The following IGSF5 variants were observed in gnomAD, a reference collection of about 807,000 sequenced individuals.
IGSF5 encodes the protein immunoglobulin superfamily member 5.
A neutral mutation model predicts 39.4 loss-of-function variants in IGSF5; 41 were observed. The observed-to-expected ratio is 1.04, with a 90% CI of 0.81 to 1.35. The LOEUF (loss-of-function observed/expected upper bound fraction) is 1.35. IGSF5 is among the 40% of genes most tolerant of loss of function. The pLI, the probability that IGSF5 is intolerant of heterozygous loss-of-function variation, is 0.00. For synonymous variants in IGSF5, 183 were observed against 175.3 expected (o/e 1.04, Z -0.34); for missense variants, 487 against 494.6 (o/e 0.98, Z 0.15).
At chr21:39,751,223 G>T (rs1232961612) in intron 2 of IGSF5, 1 of 152,248 alleles carries the variant, frequency 6.6e-6, no homozygotes, top group Non-Finnish European at 1.5e-5. Context: ...GGCCAGACAA[G>T]AGTGTGTTTC....
Position 39,763,455 on chromosome 21 carries a change from A to T in IGSF5, c.101-2080A>T, listed in dbSNP as rs1039741099. On this transcript the variant is annotated intron_variant, in intron 2 of 8. Transcript: ENST00000380588. ...TGTAGCTCCCTCCTCCCTCCTTTTC[A>T]TCTCCCAGCTGCAGAATAGGGTTAT... is the stretch of plus-strand genomic sequence containing the variant. Among the ~76,000 whole-genome samples, 18 of 152,128 alleles carry T rather than the reference A, an allele frequency of 1.2e-4. 1 individual carries two copies. The highest frequency in any genetic ancestry group is 2.2e-4 in the Non-Finnish European group (15 of 67,994).
intron 5 of IGSF5, among the ~76,000 whole-genome samples, chr21:39,782,844 TTG>T (rs1190405872): frequency 1.3e-5 from 2 of 152,176 alleles, no homozygotes; most frequent in African/African-American, 4.8e-5. Context: ...AGCCGTAACT[TTG>T]TGTTCATTAA....
chr21:39,714,481 C>G, the IGSF5 span, among the ~76,000 whole-genome samples: 1 of 152,216 alleles, frequency 6.6e-6, no homozygotes, highest in African/African-American at 2.4e-5. Flanking sequence ...TTTACTAGGG[C>G]TGACATAATA....
upstream of IGSF5, among the ~76,000 whole-genome samples, chr21:39,744,983 G>C (rs116400129): frequency 0.02 from 2,994 of 152,256 alleles, 102 homozygotes; most frequent in African/African-American, 0.068. Flanking sequence ...AGTGTTATAG[G>C]TTCATAGAGA....
At chr21:39,791,823 G>T in intron 6 of IGSF5, 185 bp from the exon 7 acceptor site, 3 of 543,616 alleles carry the variant, frequency 5.5e-6, no homozygotes, top group Middle Eastern at 5.1e-4. Context: ...TAATGGGAAT[G>T]TGTGAGTAGG....
upstream of IGSF5, among the ~76,000 whole-genome samples, chr21:39,741,096 T>C (rs977041961): frequency 6.6e-6 from 1 of 152,158 alleles, no homozygotes; most frequent in Admixed American, 6.5e-5. Context: ...CATGTTTTTT[T>C]TTTTCTTTGT....
chr21:39,759,396 T>G (rs997517766), intron 2 of IGSF5, among the ~76,000 whole-genome samples: 5 of 152,214 alleles, frequency 3.3e-5, no homozygotes, highest in African/African-American at 1.2e-4. Flanking sequence ...ACAAGGTCCC[T>G]GCTTGTGTAG....
upstream of IGSF5, among the ~76,000 whole-genome samples, chr21:39,740,410 G>A (rs1031778019): frequency 4.6e-5 from 7 of 152,142 alleles, no homozygotes; most frequent in Non-Finnish European, 7.3e-5. Flanking sequence ...CAGAAGTTAG[G>A]AATTCCCTTT....
At chr21:39,761,619 A>C (rs1227333795) in intron 2 of IGSF5, among the ~76,000 whole-genome samples, 1 of 152,242 alleles carries the variant, frequency 6.6e-6, no homozygotes, top group African/African-American at 2.4e-5. Flanking sequence ...GATACTTCTC[A>C]AAAGAAGATG....
Position 39,745,471 on chromosome 21 carries a change from C to A in IGSF5, c.-39C>A, listed in dbSNP as rs1326616189. ...TTCAGAGGTAAGGAGAATTTTGGGG[C>A]TATACTTTCAAGAAAGTCGTGTTCG... is the stretch of plus-strand genomic sequence containing the variant. On this transcript the variant is annotated 5_prime_UTR_variant, in exon 1 of 9. Transcript: ENST00000380588. 2.8e-6 allele frequency: 2 copies of A among 713,296 alleles called. No individual in the cohort carries two copies. The highest frequency in any genetic ancestry group is 4.0e-5 in the Admixed American group (2 of 49,956). The allele number at this position is 713,296 out of a possible 1,614,324, so 44.2% of individuals were successfully genotyped here. A position where few individuals can be genotyped will look rare whatever the true frequency, so the allele number is the denominator to read the frequency against.
upstream of IGSF5, among the ~76,000 whole-genome samples, chr21:39,745,157 ATCTCTCTC>A (rs35473597): frequency 4.1e-5 from 6 of 145,742 alleles, no homozygotes; most frequent in South Asian, 6.5e-4. Flanking sequence ...CTCTCTCTTC[ATCTCTCTC>A]TCTCTCTCTC....
chr21:39,742,708 G>A (rs567820420), upstream of IGSF5, among the ~76,000 whole-genome samples: 7 of 152,280 alleles, frequency 4.6e-5, no homozygotes, highest in East Asian at 1.9e-4. Flanking sequence ...TTAGGCATTC[G>A]ATTTGCCCAG....
intron 8 of IGSF5, among the ~76,000 whole-genome samples, chr21:39,794,203 C>T (rs931510695): frequency 3.3e-5 from 5 of 152,116 alleles, no homozygotes; most frequent in African/African-American, 4.8e-5. Context: ...ATGGCCAGAA[C>T]GGCTAAGAGG....
In IGSF5 at chr21:39,749,298, C is replaced by T. The variant is rs371197226; in HGVS notation, c.100+3000C>T. 1.8e-4 allele frequency among the ~76,000 whole-genome samples: 27 copies of T among 151,966 alleles called. No individual in the cohort carries two copies. In the East Asian group the frequency reaches 2.9e-3, roughly 16 times the overall value. On this transcript the variant is annotated intron_variant, in intron 2 of 8. Coordinates refer to ENST00000380588, the MANE Select transcript of IGSF5 (RefSeq NM_001080444.2). ...CACGATCTCCACTCACTGCAACCTC[C>T]GCCTCCTGGGCTCAAGTGATTCTCC...
chr21:39,747,958 AT>A, intron 2 of IGSF5, among the ~76,000 whole-genome samples: 1 of 151,746 alleles, frequency 6.6e-6, no homozygotes, highest in Non-Finnish European at 1.5e-5. Context: ...AAAACAACCG[AT>A]TCCTGTTAAA....
intron 2 of IGSF5, among the ~76,000 whole-genome samples, chr21:39,753,438 AT>A (rs2080015088): frequency 6.6e-6 from 1 of 152,070 alleles, no homozygotes; most frequent in African/African-American, 2.4e-5. Flanking sequence ...AAGCCTCCAG[AT>A]TTATACTCTA....
chr21:39,738,809 C>T, the IGSF5 span, among the ~76,000 whole-genome samples: 150 of 152,122 alleles, frequency 9.9e-4, 3 homozygotes, highest in South Asian at 0.03. This position sits in a 1 kb window ranked among gnomAD's most constrained non-coding sequence, Gnocchi z 6.4. Flanking sequence ...TCGTTCTTAT[C>T]TCCCTCATAG....
At chr21:39,750,224 C>A (rs879838417) in intron 2 of IGSF5, among the ~76,000 whole-genome samples, 40 of 152,196 alleles carry the variant, frequency 2.6e-4, no homozygotes, top group Non-Finnish European at 5.4e-4. Flanking sequence ...TTCGCCTCCC[C>A]TGGCCCCATT....
intron 4 of IGSF5, among the ~76,000 whole-genome samples, chr21:39,775,396 G>A (rs1222379302): frequency 6.6e-6 from 1 of 152,142 alleles, no homozygotes; most frequent in Non-Finnish European, 1.5e-5. Flanking sequence ...GCCTCTAGTG[G>A]GCACAGGGAT....
Sources: allele counts gnomAD v4.1 joint callset (sites outside exome capture counted in the v4.1 genomes callset), GRCh38; gene constraint gnomAD v4.1.1; non-coding constraint Gnocchi (gnomAD v3.1); transcripts MANE v1.5; gene names NCBI Gene and HGNC (gene_info 2026-07-23, HGNC 2026-07-21).